UBR3: variants seen among roughly 807,000 people sequenced by gnomAD.
UBR3 encodes ubiquitin protein ligase E3 component n-recognin 3, also known as E3 ubiquitin-protein ligase UBR3.
Under a neutral mutation model 243.2 loss-of-function variants are expected in UBR3, and 85 were observed. The ratio of observed to expected loss-of-function variants is 0.35; its 90% confidence interval spans 0.29 to 0.42. The LOEUF (loss-of-function observed/expected upper bound fraction) is 0.42, where lower values mean the gene tolerates loss of function less well. Among genes scored for constraint, UBR3 ranks in the 10% least tolerant of loss-of-function variants. UBR3 has a pLI of 1.00. For missense variants in UBR3, 1,686 were observed against 2,300.8 expected (o/e 0.73, Z 5.47); for synonymous variants, 748 against 799.8 (o/e 0.94, Z 1.09).
intron 5 of UBR3, among the ~76,000 whole-genome samples, chr2:169,879,511 G>A (rs1226088749): frequency 6.6e-6 from 1 of 152,134 alleles, no homozygotes; most frequent in East Asian, 1.9e-4. Context: ...ATTATGCTGT[G>A]TAGGAGTCTG....
At chr2:170,017,131 A>T (rs185914826) in intron 30 of UBR3, among the ~76,000 whole-genome samples, 1 of 151,982 alleles carries the variant, frequency 6.6e-6, no homozygotes, top group African/African-American at 2.4e-5. Flanking sequence ...ACTTAAATTG[A>T]TGATGATTCA....
At chr2:170,073,013 ACT>A (rs969952552) in intron 35 of UBR3, among the ~76,000 whole-genome samples, 11 of 151,934 alleles carry the variant, frequency 7.2e-5, no homozygotes, top group Admixed American at 6.6e-4. Context: ...ATTATTTAGC[ACT>A]CTCTCGTGAA....
At chr2:169,878,355 C>T (rs1176784515) in intron 4 of UBR3, among the ~76,000 whole-genome samples, 170 bp from the exon 5 acceptor site, 1 of 130,874 alleles carries the variant, frequency 7.6e-6, no homozygotes, top group Non-Finnish European at 1.8e-5. Context: ...AGCGAGAATC[C>T]CGTCTCAAAA....
At chr2:169,836,056 TATA>T (rs1558998851) in intron 1 of UBR3, among the ~76,000 whole-genome samples, 7 of 55,876 alleles carry the variant, frequency 1.3e-4, no homozygotes, top group Admixed American at 4.3e-4. Context: ...TATATATATA[TATA>T]TATATATATT....
At chr2:169,846,102 T>C (rs1290089750) in intron 1 of UBR3, among the ~76,000 whole-genome samples, 2 of 152,180 alleles carry the variant, frequency 1.3e-5, no homozygotes, top group Non-Finnish European at 2.9e-5. Flanking sequence ...TCAGGTCTTC[T>C]ATGTTCTTAC....
chr2:169,960,379 TCTGAAAAAAA>T lies in UBR3; in HGVS notation c.3634+1860_3634+1869del, dbSNP rs1268603829. Among the ~76,000 whole-genome samples the T allele has an allele frequency of 6.6e-5, 10 of 152,018 alleles. No individual in the cohort carries two copies. The East Asian group carries it at 1.2e-3, about 18-fold the overall frequency. On this transcript the variant is annotated intron_variant, in intron 24 of 38. Transcript: ENST00000272793. ...TTATATCTATGTAAATATTCTGAAA[TCTGAAAAAAA>T]CTGAAATCTGAAACACTAATGGTCC...
In UBR3 at chr2:169,958,515, C is replaced by T. The variant is rs777696404; in HGVS notation, c.3623C>T (p.Ala1208Val). Residue 1208 changes from alanine to valine, a missense_variant, in exon 24 of 39, where the codon GCA (alanine) becomes GTA (valine). By Grantham distance (64) the Ala-to-Val change is moderately conservative (BLOSUM62 0). Transcript: ENST00000272793. ...ASRQKSFMET[A>V]MDVDSPENDI... The stretch of plus-strand genomic sequence containing the variant: ...CGACAGAAAAGCTTTATGGAAACTG[C>T]AATGGATGTTGGTAAGTCAAAATTA... The T allele has an allele frequency of 2.5e-6, 4 of 1,612,490 alleles. No homozygotes were observed. Among genetic ancestry groups the T allele is most frequent in the Non-Finnish European group, 3.4e-6 (4 of 1,179,032 alleles).
intron 30 of UBR3, among the ~76,000 whole-genome samples, chr2:170,022,716 T>G (rs1309514143): frequency 1.3e-5 from 2 of 152,098 alleles, no homozygotes; most frequent in African/African-American, 4.8e-5. Flanking sequence ...TATATAATAA[T>G]AATTATTAAA....
intron 1 of UBR3, among the ~76,000 whole-genome samples, chr2:169,837,629 C>T (rs771450584): frequency 1.3e-5 from 2 of 152,112 alleles, no homozygotes; most frequent in African/African-American, 2.4e-5. Flanking sequence ...GGGGGAGAAG[C>T]GAGCAGGGGA....
chr2:169,853,085 T>C (rs1355404688), intron 1 of UBR3, among the ~76,000 whole-genome samples: 1 of 152,224 alleles, frequency 6.6e-6, no homozygotes, highest in Non-Finnish European at 1.5e-5. Context: ...CACCATATGA[T>C]AGCCTAAATA....
intron 21 of UBR3, 96 bp from the exon 22 acceptor site, chr2:169,947,445 GA>G: frequency 1.1e-6 from 1 of 903,824 alleles, no homozygotes; most frequent in Non-Finnish European, 1.5e-6. Context: ...TCAGGATTAT[GA>G]TAGGCAGTGG....
chr2:169,858,960 G>A (rs777231604), intron 1 of UBR3, among the ~76,000 whole-genome samples: 15 of 151,902 alleles, frequency 9.9e-5, no homozygotes, highest in African/African-American at 3.6e-4. Flanking sequence ...TTTACAAAAA[G>A]TCTCCTGTTA....
chr2:169,979,320 C>T (rs958769850), intron 24 of UBR3, among the ~76,000 whole-genome samples: 4 of 152,176 alleles, frequency 2.6e-5, no homozygotes, highest in Non-Finnish European at 5.9e-5. Flanking sequence ...AATGGTACGG[C>T]TGCTTTGGAA....
At chr2:169,882,225 A>G (rs1559054550) in intron 5 of UBR3, among the ~76,000 whole-genome samples, 1 of 133,766 alleles carries the variant, frequency 7.5e-6, no homozygotes, top group Admixed American at 8.1e-5. Flanking sequence ...TGTATATTAT[A>G]TACATATATT....
chr2:169,852,883 A>C (rs200314508), intron 1 of UBR3, among the ~76,000 whole-genome samples: 707 of 59,778 alleles, frequency 0.012, 30 homozygotes, highest in Middle Eastern at 0.029. Flanking sequence ...AAAAAACAAA[A>C]CCAAACAAAT....
At chr2:169,890,548 T>C in intron 5 of UBR3, among the ~76,000 whole-genome samples, 1 of 72,996 alleles carries the variant, frequency 1.4e-5, no homozygotes, top group Admixed American at 1.8e-4. Context: ...GAGATATATA[T>C]ATATATATAT....
chr2:169,870,757 G>A (rs1442202722), intron 1 of UBR3, among the ~76,000 whole-genome samples: 2 of 151,636 alleles, frequency 1.3e-5, no homozygotes, highest in African/African-American at 2.4e-5. Flanking sequence ...AGGTTCAAGC[G>A]ATTCTCCTGC....
chr2:169,908,041 C>G (rs987827104), intron 10 of UBR3, among the ~76,000 whole-genome samples: 9 of 152,238 alleles, frequency 5.9e-5, no homozygotes, highest in Admixed American at 1.3e-4. Flanking sequence ...AATTCATCTT[C>G]TTATACCCCC....
At chr2:170,018,041 T>A (rs565319838) in intron 30 of UBR3, among the ~76,000 whole-genome samples, 1 of 152,300 alleles carries the variant, frequency 6.6e-6, no homozygotes, top group South Asian at 2.1e-4. Context: ...CTGACTCTAA[T>A]TCAGTTATAT....
Sources: allele counts gnomAD v4.1 joint callset (sites outside exome capture counted in the v4.1 genomes callset), GRCh38; gene constraint gnomAD v4.1.1; transcripts MANE v1.5; gene names NCBI Gene and HGNC (gene_info 2026-07-23, HGNC 2026-07-21).